AKAP10: variants seen among roughly 807,000 people sequenced by gnomAD.
AKAP10 encodes A-kinase anchoring protein 10.
AKAP10 carries 24 observed loss-of-function variants against 80.8 expected under a neutral mutation model. That is an observed-to-expected ratio of 0.30 (90% CI 0.22 to 0.42). The LOEUF (loss-of-function observed/expected upper bound fraction) is 0.42, where lower values mean the gene tolerates loss of function less well. AKAP10 is among the 10% of genes least tolerant of loss of function. The probability of loss-of-function intolerance (pLI) is 1.00; values close to 1 mark genes in which losing one functional copy is unlikely to be tolerated. For synonymous variants in AKAP10, 291 were observed against 277.7 expected (o/e 1.05, Z -0.48); for missense variants, 661 against 794.9 (o/e 0.83, Z 2.03).
Position 19,927,624 on chromosome 17 carries a change from A to T in AKAP10, c.1642-3107T>A, listed in dbSNP as rs1476331002. 3.9e-5 allele frequency among the ~76,000 whole-genome samples: 6 copies of T among 151,916 alleles called. No individual in the cohort carries two copies. The East Asian group carries it at 7.8e-4, about 20-fold the overall frequency. Reference sequence around the variant, plus strand: ...GACCAGCCTGGGCAATATAATGAGAAAATTGGCTGGGCCTGGTAGCTCATG... The same window carrying T: ...GACCAGCCTGGGCAATATAATGAGATAATTGGCTGGGCCTGGTAGCTCATG... On this transcript the variant is annotated intron_variant, in intron 10 of 14. Coordinates refer to ENST00000225737, the MANE Select transcript of AKAP10 (RefSeq NM_007202.4).
intron 5 of AKAP10, among the ~76,000 whole-genome samples, chr17:19,946,265 A>T (rs1238456606): frequency 2.2e-4 from 6 of 27,436 alleles, no homozygotes; most frequent in African/African-American, 9.7e-4. Context: ...ATATATATAT[A>T]TATATATATA....
intron 9 of AKAP10, among the ~76,000 whole-genome samples, chr17:19,934,611 T>C (rs1330488437): frequency 1.3e-5 from 2 of 152,258 alleles, no homozygotes; most frequent in Non-Finnish European, 2.9e-5. Flanking sequence ...TCAGGTACTA[T>C]GTTAATATGT....
chr17:19,915,986 C>T (rs899703217), intron 12 of AKAP10, among the ~76,000 whole-genome samples: 3 of 152,252 alleles, frequency 2.0e-5, no homozygotes, highest in African/African-American at 7.2e-5. Flanking sequence ...GACCTCCCAA[C>T]TCACTCACCT....
At chr17:19,946,255 AT>A (rs1474236576) in intron 5 of AKAP10, among the ~76,000 whole-genome samples, 2 of 21,362 alleles carry the variant, frequency 9.4e-5, no homozygotes, top group Non-Finnish European at 1.7e-4. Context: ...ATATATATAT[AT>A]ATATATATAT....
chr17:19,945,773 C>T (rs866936630), intron 5 of AKAP10, among the ~76,000 whole-genome samples: 18 of 152,274 alleles, frequency 1.2e-4, no homozygotes, highest in Non-Finnish European at 2.1e-4. Context: ...AGAAGCCCAA[C>T]ATCGGGACAG....
chr17:19,931,780 A>G, intron 10 of AKAP10, 25 bp downstream of exon 10: 2 of 1,598,710 alleles, frequency 1.3e-6, no homozygotes, highest in East Asian at 2.2e-5. Context: ...TTTTCTCCCT[A>G]ATGGCAGACG....
chr17:19,950,278 C>T (rs964088782), intron 4 of AKAP10, among the ~76,000 whole-genome samples: 2 of 151,946 alleles, frequency 1.3e-5, no homozygotes, highest in Non-Finnish European at 2.9e-5. Context: ...TCAAATAATC[C>T]AAAAGAAAGC....
In AKAP10 at chr17:19,924,385, T is replaced by A. The variant is rs540391896; in HGVS notation, c.1751+23A>T. 2.6e-5 allele frequency: 39 copies of A among 1,487,270 alleles called. 1 individual carries two copies. In the South Asian group the frequency reaches 3.4e-4, roughly 13 times the overall value. 92.1% of individuals were successfully genotyped at this position (1,487,270 alleles called of 1,614,324 possible). On this transcript the variant is annotated intron_variant, in intron 11 of 14. Coordinates refer to ENST00000225737, the MANE Select transcript of AKAP10 (RefSeq NM_007202.4). The stretch of plus-strand genomic sequence containing the variant: ...GCAAAGTTATTTACACTTGTAAAAA[T>A]TCTAGGCATGAGCTAAGCTTACCCG...
intron 10 of AKAP10, chr17:19,929,460 CAAG>C (rs1383291366): frequency 6.6e-6 from 1 of 152,026 alleles, no homozygotes; most frequent in Non-Finnish European, 1.5e-5. Context: ...ACCCTGGTGA[CAAG>C]AAGGACAGTG....
At chr17:19,968,537 A>G (rs776107103) in intron 1 of AKAP10, 76 bp from the exon 2 acceptor site, 8 of 1,210,514 alleles carry the variant, frequency 6.6e-6, no homozygotes, top group Non-Finnish European at 9.7e-6. Context: ...AAATTAGACC[A>G]GCTTTATTCT....
At chr17:19,918,069 A>C (rs529095146) in intron 12 of AKAP10, among the ~76,000 whole-genome samples, 14 of 151,278 alleles carry the variant, frequency 9.3e-5, no homozygotes, top group Middle Eastern at 3.4e-3. Flanking sequence ...AAAATACAAA[A>C]ATTAGCTAGA....
At chr17:19,948,420 G>A (rs2043159660) in intron 4 of AKAP10, among the ~76,000 whole-genome samples, 1 of 152,236 alleles carries the variant, frequency 6.6e-6, no homozygotes, top group African/African-American at 2.4e-5. Flanking sequence ...GAGAGTGGAG[G>A]AAATCCCCTG....
chr17:19,931,870 C>T lies in AKAP10; in HGVS notation c.1576G>A (p.Ala526Thr). ...TCAGGAGGGCCAACAGAGCCAGGAG[C>T]AGTCAGCGACACGTTCCCGCCCAGA... is the stretch of plus-strand genomic sequence containing the variant. ...EFLGGNVSLT[A>T]PGSVGPPDES... Residue 526 changes from alanine to threonine, a missense_variant, in exon 10 of 15, where the codon GCT becomes ACT. Transcript: ENST00000225737. 1 of 1,614,130 alleles carries T rather than the reference C, an allele frequency of 6.2e-7. No individual in the cohort carries two copies. Among genetic ancestry groups the T allele is most frequent in the South Asian group, 1.1e-5 (1 of 91,084 alleles).
chr17:19,923,414 C>T (rs2042839971), intron 11 of AKAP10, among the ~76,000 whole-genome samples: 1 of 151,926 alleles, frequency 6.6e-6, no homozygotes, highest in Non-Finnish European at 1.5e-5. Context: ...CTAAAAATCA[C>T]TACACAAAGC....
At chr17:19,966,120 G>T (rs1280015063) in intron 2 of AKAP10, among the ~76,000 whole-genome samples, 1 of 152,046 alleles carries the variant, frequency 6.6e-6, no homozygotes, top group Non-Finnish European at 1.5e-5. Flanking sequence ...ATATATAAAT[G>T]AATGACTCAA....
At chr17:19,965,080 A>C (rs1293201192) in intron 2 of AKAP10, among the ~76,000 whole-genome samples, 3 of 152,180 alleles carry the variant, frequency 2.0e-5, no homozygotes, top group Non-Finnish European at 4.4e-5. Context: ...ATCACTGATT[A>C]CTCGCTACTA....
intron 12 of AKAP10, among the ~76,000 whole-genome samples, chr17:19,910,825 TA>T (rs2042682314): frequency 6.6e-6 from 1 of 152,212 alleles, no homozygotes; most frequent in South Asian, 2.1e-4. Context: ...CAAAGAGCTC[TA>T]CTCTATCCAA....
intron 10 of AKAP10, among the ~76,000 whole-genome samples, chr17:19,925,916 T>C (rs1452654985): frequency 1.3e-5 from 2 of 152,212 alleles, no homozygotes; most frequent in African/African-American, 4.8e-5. Flanking sequence ...CAAGAGAGTA[T>C]GGTACTGGCA....
At chr17:19,942,213 G>A (rs963593978) in intron 5 of AKAP10, among the ~76,000 whole-genome samples, 1 of 152,092 alleles carries the variant, frequency 6.6e-6, no homozygotes, top group Non-Finnish European at 1.5e-5. Context: ...ACAGTTAAAA[G>A]GTTACTATCA....
Sources: allele counts gnomAD v4.1 joint callset (sites outside exome capture counted in the v4.1 genomes callset), GRCh38; gene constraint gnomAD v4.1.1; transcripts MANE v1.5; gene names NCBI Gene and HGNC (gene_info 2026-07-23, HGNC 2026-07-21).